Variants in DNAH14 observed in about 807,000 individuals in gnomAD.
DNAH14 encodes dynein axonemal heavy chain 14.
Under a neutral mutation model 520.9 loss-of-function variants are expected in DNAH14, and 478 were observed. That is an observed-to-expected ratio of 0.92 (90% confidence interval 0.85 to 0.99). The LOEUF (loss-of-function observed/expected upper bound fraction) is 0.99. Among genes scored for constraint, DNAH14 ranks in the 50% least tolerant of loss-of-function variants. The pLI is 0.00. For synonymous variants in DNAH14, 1,581 were observed against 1,757.2 expected, an observed-to-expected ratio of 0.90 and a Z score of 2.51; for missense variants, 4,831 against 5,234.5, an observed-to-expected ratio of 0.92 and a Z score of 2.38.
chr1:225,023,730 T>G lies in DNAH14; in HGVS notation c.1223T>G (p.Val408Gly). The change falls in exon 11 of 86, where the codon GTA (valine) becomes GGA (glycine). Residue 408 changes from valine to glycine, a missense_variant. Val to Gly is a moderately radical substitution (Grantham distance 109). Transcript: ENST00000682510. ...TTATTAGAAACATTTTTCAAGTTTGTAATGCTGGTTGACTACATATTTCAG... is the reference window on the plus strand; with the variant it reads ...TTATTAGAAACATTTTTCAAGTTTGGAATGCTGGTTGACTACATATTTCAG... ...RRLLETFFKF[V>G]MLVDYIFQEL... The G allele has an allele frequency of 6.4e-7, 1 of 1,550,910 alleles. No individual in the cohort carries two copies. The highest frequency in any genetic ancestry group is 8.7e-7 in the Non-Finnish European group (1 of 1,146,528).
At chr1:224,944,884 C>T (rs2059688782) in intron 1 of DNAH14, among the ~76,000 whole-genome samples, 1 of 152,218 alleles carries the variant, frequency 6.6e-6, no homozygotes, top group Non-Finnish European at 1.5e-5. Flanking sequence ...ATGGGCTTCC[C>T]TTTGTGGGTA....
At chr1:225,233,467 C>G (rs1467482913) in intron 42 of DNAH14, among the ~76,000 whole-genome samples, 1 of 152,022 alleles carries the variant, frequency 6.6e-6, no homozygotes, top group Non-Finnish European at 1.5e-5. Context: ...TTGACAGCAT[C>G]TGTTGTTTTT....
rs1302072657 is a variant in DNAH14 at position 225,335,300 on chromosome 1, T to C, written c.10080+1794T>C. 2.0e-4 allele frequency among the ~76,000 whole-genome samples: 23 copies of C among 112,756 alleles called. 1 individual carries two copies. The highest frequency in any genetic ancestry group is 3.5e-4 in the Non-Finnish European group (18 of 51,088). 74.0% of individuals were successfully genotyped at this position (112,756 alleles called of 152,430 possible). On this transcript the variant is annotated intron_variant, in intron 66 of 85. Coordinates refer to ENST00000682510, the MANE Select transcript of DNAH14 (RefSeq NM_001367479.1). ...TTGTGTGTATATGCACATATACACA[T>C]GTGTACACGTGTGTATATGCACATA...
chr1:225,389,048 GC>G (rs1230083304), intron 82 of DNAH14, among the ~76,000 whole-genome samples: 2 of 152,182 alleles, frequency 1.3e-5, no homozygotes, highest in Non-Finnish European at 2.9e-5. Flanking sequence ...ATGAGCCACC[GC>G]GCCCAGCCAC....
At chr1:224,976,226 T>C (rs1163017451) in intron 8 of DNAH14, among the ~76,000 whole-genome samples, 1 of 152,212 alleles carries the variant, frequency 6.6e-6, no homozygotes, top group African/African-American at 2.4e-5. Flanking sequence ...GAGAGTTCTG[T>C]AGATGTCTAT....
chr1:225,223,347 T>C (rs1320167098), intron 41 of DNAH14, among the ~76,000 whole-genome samples: 1 of 152,210 alleles, frequency 6.6e-6, no homozygotes, highest in Non-Finnish European at 1.5e-5. Context: ...CAGACCTCTT[T>C]CTAGTAATGG....
At position 225,162,435 on chromosome 1, in the gene DNAH14, TA is replaced by T. The variant is rs559090440; in HGVS notation, c.5445+2951del. On this transcript the variant is annotated intron_variant, in intron 35 of 85. Coordinates refer to ENST00000682510, the MANE Select transcript of DNAH14 (RefSeq NM_001367479.1). ...GCCAAGACCATTCTATTTGGGTTGC[TA>T]TAGCTCTGAGGTATAATTTGAAGTC... Among the ~76,000 whole-genome samples, 787 of 152,358 alleles carry T rather than the reference TA, an allele frequency of 5.2e-3. 2 individuals carry two copies. The highest frequency in any genetic ancestry group is 8.5e-3 in the Non-Finnish European group (578 of 68,030).
At chr1:225,013,272 G>A (rs576589857) in intron 10 of DNAH14, among the ~76,000 whole-genome samples, 1 of 152,076 alleles carries the variant, frequency 6.6e-6, no homozygotes, top group Non-Finnish European at 1.5e-5. Context: ...TTTAGCCCCT[G>A]TTTGCCTGGG....
At chr1:225,033,256 A>G (rs1246550709) in intron 11 of DNAH14, among the ~76,000 whole-genome samples, 2 of 152,186 alleles carry the variant, frequency 1.3e-5, no homozygotes, top group South Asian at 2.1e-4. Flanking sequence ...ATGTTTATAT[A>G]TGGTGTAAGG....
intron 21 of DNAH14, 140 bp downstream of exon 21, chr1:225,085,929 A>G: frequency 1.1e-6 from 1 of 922,836 alleles, no homozygotes; most frequent in Non-Finnish European, 1.5e-6. Context: ...AATATTTACT[A>G]GTTTGAATAC....
chr1:225,338,301 T>C lies in DNAH14; in HGVS notation c.10433+119T>C, dbSNP rs947612674. The C allele has an allele frequency of 3.1e-6, 4 of 1,272,450 alleles. No individual in the cohort carries two copies. The Admixed American group carries it at 7.9e-5, about 25-fold the overall frequency. The allele number at this position is 1,272,450 out of a possible 1,614,324, so 78.8% of individuals were successfully genotyped here. On this transcript the variant is annotated intron_variant, in intron 68 of 85. Transcript: ENST00000682510. ...ATGGAGGAAAAAGTAAGATTGTCTTTGGAATATTCTTTTTGTTTTTGTGTT... is the reference window on the plus strand; with the variant it reads ...ATGGAGGAAAAAGTAAGATTGTCTTCGGAATATTCTTTTTGTTTTTGTGTT...
In DNAH14 at chr1:225,076,421, T is replaced by C. The variant is rs1405655394; in HGVS notation, c.2425-2786T>C. On this transcript the variant is annotated intron_variant, in intron 17 of 85. Coordinates refer to ENST00000682510, the MANE Select transcript of DNAH14 (RefSeq NM_001367479.1). Reference sequence around the variant, plus strand: ...TGCCTTTTCTTATTTCTATGCTACATGCAGATATTGTCATCTCTCACTTGA... The same window carrying C: ...TGCCTTTTCTTATTTCTATGCTACACGCAGATATTGTCATCTCTCACTTGA... 2.6e-5 allele frequency among the ~76,000 whole-genome samples: 4 copies of C among 152,228 alleles called. No homozygotes were observed. The South Asian group carries it at 6.2e-4, about 24-fold the overall frequency.
intron 23 of DNAH14, among the ~76,000 whole-genome samples, chr1:225,116,562 C>A (rs540066661): frequency 1.9e-4 from 29 of 152,052 alleles, no homozygotes; most frequent in Non-Finnish European, 3.8e-4. Flanking sequence ...CTTCAGTTAG[C>A]AATTGGGTAT....
At chr1:224,980,759 C>T (rs115166093) in intron 8 of DNAH14, among the ~76,000 whole-genome samples, 456 of 152,208 alleles carry the variant, frequency 3.0e-3, no homozygotes, top group African/African-American at 0.011. Flanking sequence ...AGTCTTAGGT[C>T]CTTGAGTGAA....
intron 50 of DNAH14, 94 bp downstream of exon 50, chr1:225,270,960 T>A: frequency 7.7e-7 from 1 of 1,294,578 alleles, no homozygotes; most frequent in African/African-American, 1.5e-5. Context: ...TGAAAGAAAA[T>A]TACTTTAAGG....
At chr1:225,087,279 G>T (rs1332262238) in intron 21 of DNAH14, among the ~76,000 whole-genome samples, 3 of 152,232 alleles carry the variant, frequency 2.0e-5, no homozygotes, top group Non-Finnish European at 4.4e-5. Flanking sequence ...AAGATGGATA[G>T]AGAAAGGGGG....
chr1:224,966,977 T>C (rs1039586345), intron 5 of DNAH14, among the ~76,000 whole-genome samples: 2 of 152,212 alleles, frequency 1.3e-5, no homozygotes, highest in Non-Finnish European at 1.5e-5. Flanking sequence ...GAAAGAGTTA[T>C]TACTCATTAA....
At chr1:225,013,854 C>T (rs1158604597) in intron 10 of DNAH14, among the ~76,000 whole-genome samples, 6 of 152,124 alleles carry the variant, frequency 3.9e-5, no homozygotes, top group East Asian at 1.9e-4. Context: ...GTGCTGGTAG[C>T]GAGAATTTCA....
chr1:225,283,304 G>T (rs2093665244), intron 54 of DNAH14, among the ~76,000 whole-genome samples: 1 of 151,816 alleles, frequency 6.6e-6, no homozygotes, highest in African/African-American at 2.4e-5. Context: ...TAGATTCAAA[G>T]ATCCAAAATG....
Sources: allele counts gnomAD v4.1 joint callset (sites outside exome capture counted in the v4.1 genomes callset), GRCh38; gene constraint gnomAD v4.1.1; transcripts MANE v1.5; gene names NCBI Gene and HGNC (gene_info 2026-07-23, HGNC 2026-07-21).